Variants in SLC1A2 observed in about 807,000 individuals in gnomAD.
SLC1A2 encodes excitatory amino acid transporter 2.
Under a neutral mutation model 48.8 loss-of-function variants are expected in SLC1A2, and 15 were observed. The ratio of observed to expected loss-of-function variants is 0.31; its 90% CI spans 0.21 to 0.47. The LOEUF is 0.47. Among genes scored for constraint, SLC1A2 ranks in the 20% least tolerant of loss-of-function variants. The pLI is 0.99. For missense variants in SLC1A2, 502 were observed against 730.5 expected, an observed-to-expected ratio of 0.69 and a Z score of 3.61; for synonymous variants, 279 against 272.6, an observed-to-expected ratio of 1.02 and a Z score of -0.23.
At chr11:35,273,152 T>G (rs942128705) in intron 9 of SLC1A2, among the ~76,000 whole-genome samples, 19 of 152,110 alleles carry the variant, frequency 1.2e-4, no homozygotes. Flanking sequence ...TTAATATTGA[T>G]AGAAACAAAA....
intron 1 of SLC1A2, among the ~76,000 whole-genome samples, chr11:35,356,523 A>T (rs1232145105): frequency 6.6e-6 from 1 of 152,244 alleles, no homozygotes; most frequent in Non-Finnish European, 1.5e-5. Flanking sequence ...CAATGTGGGC[A>T]AAAATGCGGT....
At position 35,399,301 on chromosome 11, in the gene SLC1A2, G is replaced by T. The variant is rs1037383535; in HGVS notation, c.17+19649C>A. Among the ~76,000 whole-genome samples, 3 of 151,996 alleles carry T rather than the reference G, an allele frequency of 2.0e-5. No individual in the cohort carries two copies. In the South Asian group the frequency reaches 6.2e-4, roughly 32 times the overall value. On this transcript the variant is annotated intron_variant, in intron 1 of 10. Transcript: ENST00000278379. ...TAGCCTCCTGCAACTGCCTCCTAAGGCTCATGGGACACTAAAGCAAGCATA... is the reference window on the plus strand; with the variant it reads ...TAGCCTCCTGCAACTGCCTCCTAAGTCTCATGGGACACTAAAGCAAGCATA...
chr11:35,366,183 G>A (rs142709663), intron 1 of SLC1A2, among the ~76,000 whole-genome samples: 3 of 152,238 alleles, frequency 2.0e-5, no homozygotes, highest in Non-Finnish European at 4.4e-5. Context: ...CACCTCTGTG[G>A]GAGGATTACA....
At chr11:35,416,274 C>A (rs1855601478) in intron 1 of SLC1A2, among the ~76,000 whole-genome samples, 2 of 152,198 alleles carry the variant, frequency 1.3e-5, no homozygotes, top group African/African-American at 4.8e-5. Flanking sequence ...TGAGAGAAAG[C>A]CAGTAATCTG....
At chr11:35,322,636 T>A in intron 1 of SLC1A2, 1 of 1,535,190 alleles carries the variant, frequency 6.5e-7, no homozygotes, top group East Asian at 2.4e-5. Context: ...ACTGGGGAGA[T>A]AAAGATGTCC....
At chr11:35,286,979 G>A (rs751231797) in intron 7 of SLC1A2, 28 bp from the exon 8 acceptor site, 1 of 1,581,894 alleles carries the variant, frequency 6.3e-7, no homozygotes, top group Admixed American at 1.7e-5. Flanking sequence ...GAGAGAGACA[G>A]GGTTATGTCC....
chr11:35,300,825 G>A (rs930109583), intron 6 of SLC1A2, among the ~76,000 whole-genome samples: 1 of 152,072 alleles, frequency 6.6e-6, no homozygotes, highest in African/African-American at 2.4e-5. Context: ...AGATCAGCCT[G>A]GGTAATATAG....
At chr11:35,288,577 C>T (rs1251550233) in intron 7 of SLC1A2, among the ~76,000 whole-genome samples, 1 of 152,204 alleles carries the variant, frequency 6.6e-6, no homozygotes, top group Non-Finnish European at 1.5e-5. Flanking sequence ...TGCAAGCATT[C>T]TCAAATCTAA....
At chr11:35,284,690 G>A (rs1483641634) in intron 8 of SLC1A2, among the ~76,000 whole-genome samples, 1 of 152,132 alleles carries the variant, frequency 6.6e-6, no homozygotes, top group Non-Finnish European at 1.5e-5. Flanking sequence ...GGAGAAAGCT[G>A]TGTTTTAACA....
intron 4 of SLC1A2, 146 bp downstream of exon 4, chr11:35,312,052 C>A: frequency 1.3e-6 from 1 of 791,526 alleles, no homozygotes; most frequent in Non-Finnish European, 2.0e-6. Context: ...TGCCCTAAAC[C>A]ACCTCATAGA....
chr11:35,319,335 T>C (rs1851984749), intron 1 of SLC1A2, among the ~76,000 whole-genome samples: 1 of 152,226 alleles, frequency 6.6e-6, no homozygotes, highest in Non-Finnish European at 1.5e-5. Flanking sequence ...TTTCCATTTT[T>C]AAACATGTCT....
At chr11:35,289,920 G>A (rs913925697) in intron 7 of SLC1A2, among the ~76,000 whole-genome samples, 1 of 152,046 alleles carries the variant, frequency 6.6e-6, no homozygotes, top group Non-Finnish European at 1.5e-5. Flanking sequence ...AATCAGGAAG[G>A]GACGAATACC....
chr11:35,305,217 C>T (rs573014791), intron 5 of SLC1A2, among the ~76,000 whole-genome samples: 2 of 152,284 alleles, frequency 1.3e-5, no homozygotes, highest in South Asian at 4.1e-4. Flanking sequence ...TGGTAATAAA[C>T]CTCTGTCCCT....
intron 1 of SLC1A2, among the ~76,000 whole-genome samples, chr11:35,351,357 G>A (rs898001055): frequency 7.9e-5 from 12 of 152,172 alleles, no homozygotes; most frequent in Non-Finnish European, 1.2e-4. Flanking sequence ...TGCTTTCCCA[G>A]ACAGCATGTC....
At position 35,318,031 on chromosome 11, in the gene SLC1A2, C is replaced by A. The variant is rs115835518; in HGVS notation, c.18-515G>T. Among the ~76,000 whole-genome samples, 1,028 of 152,224 alleles carry A rather than the reference C, an allele frequency of 6.8e-3. 8 individuals are homozygous for A. The highest frequency in any genetic ancestry group is 0.021 in the African/African-American group (874 of 41,538). On this transcript the variant is annotated intron_variant, in intron 1 of 10. Transcript: ENST00000278379. ...AACACTGATCATCCAAGCTTTATTTCTTTTTTGGAAAAGATAGTTTATCTA... is the reference window on the plus strand; with the variant it reads ...AACACTGATCATCCAAGCTTTATTTATTTTTTGGAAAAGATAGTTTATCTA...
At chr11:35,338,787 C>T (rs192630690) in intron 1 of SLC1A2, among the ~76,000 whole-genome samples, 1 of 152,302 alleles carries the variant, frequency 6.6e-6, no homozygotes, top group African/African-American at 2.4e-5. Context: ...AGGTAGGCTT[C>T]CCTCACTTGC....
chr11:35,317,565 T>A, intron 1 of SLC1A2, 49 bp from the exon 2 acceptor site: 1 of 1,582,690 alleles, frequency 6.3e-7, no homozygotes, highest in South Asian at 1.1e-5. Context: ...ACCTCCCCTA[T>A]ACAGTTTCAG....
chr11:35,333,045 T>C (rs1431414567), intron 1 of SLC1A2, among the ~76,000 whole-genome samples: 1 of 152,110 alleles, frequency 6.6e-6, no homozygotes, highest in East Asian at 1.9e-4. Context: ...TCATTCCCCA[T>C]CCGCACACAG....
intron 1 of SLC1A2, among the ~76,000 whole-genome samples, chr11:35,336,231 G>A (rs1171339227): frequency 6.6e-6 from 1 of 152,156 alleles, no homozygotes; most frequent in Non-Finnish European, 1.5e-5. Flanking sequence ...TTAATACTTA[G>A]GTGATGGGTT....
Sources: allele counts gnomAD v4.1 joint callset (sites outside exome capture counted in the v4.1 genomes callset), GRCh38; gene constraint gnomAD v4.1.1; transcripts MANE v1.5; gene names NCBI Gene and HGNC (gene_info 2026-07-23, HGNC 2026-07-21).